The following TPRG1 variants were observed in gnomAD, a reference collection of about 807,000 sequenced individuals.
TPRG1 encodes the protein tumor protein p63 regulated 1.
TPRG1 carries 29 observed loss-of-function variants against 29.3 expected under a neutral mutation model. The observed-to-expected ratio is 0.99, with a 90% confidence interval of 0.74 to 1.35. TPRG1 has a LOEUF of 1.35. Among genes scored for constraint, TPRG1 ranks in the 40% most tolerant of loss-of-function variants. TPRG1 has a pLI of 0.00. For synonymous variants in TPRG1, 130 were observed against 116.8 expected (o/e 1.11, Z -0.73); for missense variants, 327 against 335.0 (o/e 0.98, Z 0.19).
intron 4 of TPRG1, among the ~76,000 whole-genome samples, chr3:189,051,726 G>A (rs1445501899): frequency 6.6e-6 from 1 of 152,092 alleles, no homozygotes; most frequent in Non-Finnish European, 1.5e-5. Context: ...AAAACAGCAT[G>A]GTACTAGTAT....
At position 189,322,634 on chromosome 3, in the gene TPRG1, G is replaced by T. The variant is rs1724416991; in HGVS notation, c.*1814G>T. On this transcript the variant is annotated 3_prime_UTR_variant, in exon 6 of 6. Coordinates refer to ENST00000345063, the MANE Select transcript of TPRG1 (RefSeq NM_198485.4). Reference sequence around the variant, plus strand: ...AATCCCCATTTGCCTCAAGATAGTGGCATTTATTGGCAGAAGCCTCTGAAA... The same window carrying T: ...AATCCCCATTTGCCTCAAGATAGTGTCATTTATTGGCAGAAGCCTCTGAAA... 6.6e-6 allele frequency: 1 copy of T among 152,474 alleles called. No individual in the cohort carries two copies. The highest frequency in any genetic ancestry group is 1.5e-5 in the Non-Finnish European group (1 of 67,994). 9.4% of individuals were successfully genotyped at this position (152,474 alleles called of 1,614,324 possible).
At position 189,324,540 on chromosome 3, in the gene TPRG1, A is replaced by G. The variant is rs1412871461; in HGVS notation, c.*3720A>G. On this transcript the variant is annotated 3_prime_UTR_variant, in exon 6 of 6. Transcript: ENST00000345063. ...TCTTAAAGGCTAAGGACACTTATAGAGCTCTCCGATTTCCTATCTGATAAA... is the reference window on the plus strand; with the variant it reads ...TCTTAAAGGCTAAGGACACTTATAGGGCTCTCCGATTTCCTATCTGATAAA... 2.0e-5 allele frequency: 3 copies of G among 152,148 alleles called. No homozygotes were observed. The highest frequency in any genetic ancestry group is 4.4e-5 in the Non-Finnish European group (3 of 68,036). The allele number at this position is 152,148 out of a possible 1,614,324, so 9.4% of individuals were successfully genotyped here.
rs978370236 is a variant in TPRG1 at position 189,190,976 on chromosome 3, G to A, written c.-9-16400G>A. The A allele has an allele frequency of 1.6e-5, 16 of 985,376 alleles. No homozygotes were observed. In the East Asian group the frequency reaches 7.9e-4, roughly 49 times the overall value. The allele number at this position is 985,376 out of a possible 1,614,324, so 61.0% of individuals were successfully genotyped here. On this transcript the variant is annotated intron_variant, in intron 1 of 5. Transcript: ENST00000345063. ...AATATTCACAGAAGCAAGGAAATGCGAATATCACAGGTAGGTCTTTTAATT... is the reference window on the plus strand; with the variant it reads ...AATATTCACAGAAGCAAGGAAATGCAAATATCACAGGTAGGTCTTTTAATT...
chr3:189,309,551 T>G (rs905774345), intron 4 of TPRG1, among the ~76,000 whole-genome samples: 4 of 152,204 alleles, frequency 2.6e-5, no homozygotes, highest in African/African-American at 4.8e-5. Context: ...CATTCAGAGA[T>G]ACCTGAAACC....
chr3:189,119,513 GCT>G, intron 1 of TPRG1, among the ~76,000 whole-genome samples: 1 of 152,262 alleles, frequency 6.6e-6, no homozygotes, highest in East Asian at 1.9e-4. Flanking sequence ...ATATGGTTTG[GCT>G]CTGTTTCCCC....
intron 3 of TPRG1, among the ~76,000 whole-genome samples, chr3:189,238,059 T>C (rs2108939409): frequency 6.6e-6 from 1 of 152,334 alleles, no homozygotes; most frequent in South Asian, 2.1e-4. Flanking sequence ...ATGTTACATG[T>C]GTGTCCTGGA....
chr3:189,242,897 A>C (rs1443954722), intron 4 of TPRG1, among the ~76,000 whole-genome samples: 1 of 152,044 alleles, frequency 6.6e-6, no homozygotes, highest in Non-Finnish European at 1.5e-5. Context: ...ATTTTGATAA[A>C]TTATATTTTT....
At chr3:189,179,315 C>G (rs1729906445) in intron 1 of TPRG1, among the ~76,000 whole-genome samples, 1 of 152,178 alleles carries the variant, frequency 6.6e-6, no homozygotes, top group South Asian at 2.1e-4. Context: ...GAATGGAAAG[C>G]TTTGCACACC....
intron 5 of TPRG1, among the ~76,000 whole-genome samples, chr3:189,161,553 C>G (rs1727491578): frequency 6.6e-6 from 1 of 152,088 alleles, no homozygotes; most frequent in Non-Finnish European, 1.5e-5. Flanking sequence ...ACAAAATATA[C>G]CATCCCTCAG....
chr3:189,071,768 T>C (rs1012389436), intron 4 of TPRG1, among the ~76,000 whole-genome samples: 5 of 152,224 alleles, frequency 3.3e-5, no homozygotes, highest in African/African-American at 1.2e-4. Context: ...TTGTTTGAGC[T>C]TCAAAAGATG....
At chr3:189,047,789 A>G (rs2152137792) in intron 4 of TPRG1, among the ~76,000 whole-genome samples, 1 of 152,324 alleles carries the variant, frequency 6.6e-6, no homozygotes. Context: ...GCTTCTCCGT[A>G]AGAAGTAACT....
intron 5 of TPRG1, among the ~76,000 whole-genome samples, chr3:189,164,102 T>C (rs1023621751): frequency 2.0e-5 from 3 of 152,176 alleles, no homozygotes; most frequent in African/African-American, 4.8e-5. Flanking sequence ...GAAGATTCTT[T>C]TATAATGTGA....
At chr3:189,229,099 G>A (rs1738241120) in intron 3 of TPRG1, among the ~76,000 whole-genome samples, 1 of 152,180 alleles carries the variant, frequency 6.6e-6, no homozygotes, top group Non-Finnish European at 1.5e-5. Context: ...GTTACACAAT[G>A]CTGATAAAAG....
At chr3:189,120,463 CAA>C (rs1721699765) in intron 1 of TPRG1, 1 of 152,022 alleles carries the variant, frequency 6.6e-6, no homozygotes, top group Admixed American at 6.6e-5. Flanking sequence ...AGATTCTGGA[CAA>C]AGAGTCTGGC....
chr3:189,023,056 G>T (rs1035632627), intron 3 of TPRG1, among the ~76,000 whole-genome samples: 4 of 152,176 alleles, frequency 2.6e-5, no homozygotes, highest in Non-Finnish European at 5.9e-5. Context: ...TGCACTTCCC[G>T]AGTGAGGCAA....
intron 1 of TPRG1, among the ~76,000 whole-genome samples, chr3:189,109,748 G>T (rs372975172): frequency 6.6e-6 from 1 of 151,960 alleles, no homozygotes; most frequent in African/African-American, 2.4e-5. Context: ...ATGAGTTTTT[G>T]CAAACACCCA....
At chr3:189,304,116 G>GT (rs67456701) in intron 4 of TPRG1, among the ~76,000 whole-genome samples, 72,433 of 136,944 alleles carry the variant, frequency 0.53, 18,834 homozygotes, top group African/African-American at 0.58. Context: ...GTTAACTCTT[G>GT]TTTTTTTTTT....
chr3:189,167,116 G>A (rs1485586297), upstream of TPRG1, among the ~76,000 whole-genome samples: 1 of 152,218 alleles, frequency 6.6e-6, no homozygotes, highest in African/African-American at 2.4e-5. Flanking sequence ...TCGGCTGTGA[G>A]ATTCCATCTA....
intron 5 of TPRG1, among the ~76,000 whole-genome samples, chr3:189,314,987 T>C (rs1216541103): frequency 6.6e-6 from 1 of 152,030 alleles, no homozygotes; most frequent in African/African-American, 2.4e-5. Context: ...TAATGAGACA[T>C]GGTGGCATGT....
Sources: gnomAD v4.1 joint callset for allele counts (sites outside exome capture counted in the v4.1 genomes callset) on GRCh38, gnomAD v4.1.1 for gene constraint, MANE v1.5 for transcripts, NCBI Gene and HGNC (gene_info 2026-07-23, HGNC 2026-07-21) for gene names.